The following TNFSF4 variants were observed in gnomAD, a reference collection of about 807,000 sequenced individuals.
The protein encoded by TNFSF4 is TNF superfamily member 4.
TNFSF4 carries 4 observed loss-of-function variants against 7.3 expected under a neutral mutation model. The observed-to-expected ratio is 0.55, with a 90% CI of 0.27 to 1.25. TNFSF4 has a LOEUF of 1.25. TNFSF4 is among the 50% of genes most tolerant of loss of function. The pLI is 0.12. For missense variants in TNFSF4, 181 were observed against 208.8 expected, an observed-to-expected ratio of 0.87 and a Z score of 0.82; for synonymous variants, 76 against 83.7, an observed-to-expected ratio of 0.91 and a Z score of 0.50.
the TNFSF4 span, among the ~76,000 whole-genome samples, chr1:173,337,548 T>G: frequency 6.6e-6 from 1 of 152,178 alleles, no homozygotes; most frequent in Non-Finnish European, 1.5e-5. Flanking sequence ...AAACTGAGCC[T>G]TGGTTTACAG....
the TNFSF4 span, among the ~76,000 whole-genome samples, chr1:173,430,538 A>G: frequency 0.014 from 2,123 of 152,334 alleles, 23 homozygotes; most frequent in Middle Eastern, 0.031. Flanking sequence ...TGGGGATTTC[A>G]TTATATTTTG....
the TNFSF4 span, chr1:173,362,498 A>G: frequency 3.7e-6 from 2 of 541,574 alleles, no homozygotes; most frequent in African/African-American, 1.9e-5. Flanking sequence ...TGGGCTTGGT[A>G]TTTTCAAACT....
chr1:173,253,846 T>G, the TNFSF4 span, among the ~76,000 whole-genome samples: 1 of 152,200 alleles, frequency 6.6e-6, no homozygotes, highest in African/African-American at 2.4e-5. Context: ...TAGTCATGTC[T>G]AAATATTAGT....
At position 173,186,401 on chromosome 1, in the gene TNFSF4, A is replaced by C; in HGVS notation, c.*115T>G. 1.2e-6 allele frequency: 1 copy of C among 816,618 alleles called. No individual in the cohort carries two copies. Among genetic ancestry groups the C allele is most frequent in the Non-Finnish European group, 1.9e-6 (1 of 524,722 alleles). The allele number at this position is 816,618 out of a possible 1,614,324, so 50.6% of individuals were successfully genotyped here. On this transcript the variant is annotated 3_prime_UTR_variant, in exon 3 of 3. Transcript: ENST00000281834. Reference sequence around the variant, plus strand: ...AGGGCCAGGATCTGCTTCTTGTCACATCCCACGTGGCTGAGCTGGGAGGCT... The same window carrying C: ...AGGGCCAGGATCTGCTTCTTGTCACCTCCCACGTGGCTGAGCTGGGAGGCT...
chr1:173,190,935 C>G (rs1429110739), intron 1 of TNFSF4, among the ~76,000 whole-genome samples: 2 of 152,146 alleles, frequency 1.3e-5, no homozygotes, highest in East Asian at 1.9e-4. Context: ...CAGGGGCATT[C>G]CTTTCAGCAC....
the TNFSF4 span, among the ~76,000 whole-genome samples, chr1:173,381,748 G>C: frequency 6.6e-6 from 1 of 152,170 alleles, no homozygotes; most frequent in Non-Finnish European, 1.5e-5. Flanking sequence ...CTGTTTAGAG[G>C]GGGGATTGAC....
chr1:173,308,259 C>CTCTT, the TNFSF4 span, among the ~76,000 whole-genome samples: 3 of 114,030 alleles, frequency 2.6e-5, no homozygotes, highest in African/African-American at 4.5e-5. Context: ...TCCCACTCCT[C>CTCTT]TCTCTCTTTC....
At chr1:173,413,550 C>T in the TNFSF4 span, among the ~76,000 whole-genome samples, 1 of 152,176 alleles carries the variant, frequency 6.6e-6, no homozygotes, top group Non-Finnish European at 1.5e-5. Context: ...CAGGGCACAT[C>T]GGTGTGGAGG....
At chr1:173,206,655 T>C (rs1189921534) in intron 1 of TNFSF4, among the ~76,000 whole-genome samples, 1 of 152,210 alleles carries the variant, frequency 6.6e-6, no homozygotes, top group Non-Finnish European at 1.5e-5. Context: ...CTATTTCCTT[T>C]TAATATTAAT....
At chr1:173,241,824 G>A in the TNFSF4 span, among the ~76,000 whole-genome samples, 3 of 152,196 alleles carry the variant, frequency 2.0e-5, no homozygotes, top group African/African-American at 7.2e-5. Flanking sequence ...TTCATGGGCT[G>A]CAGGAAGGTG....
the TNFSF4 span, among the ~76,000 whole-genome samples, chr1:173,450,563 TTAA>T: frequency 1.3e-5 from 2 of 151,784 alleles, no homozygotes; most frequent in African/African-American, 4.8e-5. Flanking sequence ...TTAAAAGATA[TTAA>T]TAATATGGCA....
chr1:173,259,098 G>A, the TNFSF4 span, among the ~76,000 whole-genome samples: 1 of 152,140 alleles, frequency 6.6e-6, no homozygotes, highest in East Asian at 1.9e-4. Context: ...ATTCCCACTG[G>A]CATCAGGCTG....
At chr1:173,366,008 AC>A in the TNFSF4 span, among the ~76,000 whole-genome samples, 1 of 152,222 alleles carries the variant, frequency 6.6e-6, no homozygotes, top group Non-Finnish European at 1.5e-5. Flanking sequence ...AGAAAAGAGA[AC>A]CCTCATACAC....
At chr1:173,294,129 T>G in the TNFSF4 span, among the ~76,000 whole-genome samples, 9 of 152,000 alleles carry the variant, frequency 5.9e-5, no homozygotes, top group Non-Finnish European at 1.2e-4. Flanking sequence ...AAATAAACCA[T>G]TCTATTTAAA....
intron 1 of TNFSF4, among the ~76,000 whole-genome samples, chr1:173,202,835 C>T (rs1650004855): frequency 6.6e-6 from 1 of 152,120 alleles, no homozygotes; most frequent in Non-Finnish European, 1.5e-5. Flanking sequence ...AAGCCTTCTA[C>T]CCCTACCCAC....
At chr1:173,359,646 C>T in the TNFSF4 span, among the ~76,000 whole-genome samples, 9 of 151,734 alleles carry the variant, frequency 5.9e-5, no homozygotes, top group South Asian at 1.2e-3. Flanking sequence ...TATTTTCCTT[C>T]ATGTTTCCTT....
chr1:173,288,329 G>C, the TNFSF4 span, among the ~76,000 whole-genome samples: 3 of 152,088 alleles, frequency 2.0e-5, no homozygotes, highest in African/African-American at 7.2e-5. Flanking sequence ...CCAGTTACTT[G>C]GGGGGCTGAA....
chr1:173,263,009 G>A, the TNFSF4 span, among the ~76,000 whole-genome samples: 2 of 152,144 alleles, frequency 1.3e-5, no homozygotes, highest in African/African-American at 4.8e-5. Flanking sequence ...CAAGCCAAGA[G>A]CCAAATCATG....
chr1:173,308,103 A>T, the TNFSF4 span, among the ~76,000 whole-genome samples: 9 of 151,942 alleles, frequency 5.9e-5, no homozygotes, highest in South Asian at 1.9e-3. Context: ...CTTTATTCTA[A>T]ATACAATCCC....
Sources: gnomAD v4.1 joint callset for allele counts (sites outside exome capture counted in the v4.1 genomes callset) on GRCh38, gnomAD v4.1.1 for gene constraint, MANE v1.5 for transcripts, NCBI Gene and HGNC (gene_info 2026-07-23, HGNC 2026-07-21) for gene names.